The following ADGRL2 variants were observed in gnomAD, a reference collection of about 807,000 sequenced individuals.
ADGRL2 encodes calcium-independent alpha-latrotoxin receptor 2.
Under a neutral mutation model 157.4 loss-of-function variants are expected in ADGRL2, and 44 were observed. The ratio of observed to expected loss-of-function variants is 0.28; its 90% CI spans 0.22 to 0.36. The LOEUF is 0.36. ADGRL2 is among the 10% of genes least tolerant of loss of function. ADGRL2 has a pLI of 1.00. For missense variants in ADGRL2, 1,510 were observed against 1,768.9 expected (o/e 0.85, Z 2.63); for synonymous variants, 585 against 624.7 (o/e 0.94, Z 0.95).
intron 2 of ADGRL2, among the ~76,000 whole-genome samples, chr1:81,889,057 C>G (rs1007027931): frequency 5.3e-5 from 8 of 152,152 alleles, no homozygotes; most frequent in African/African-American, 9.7e-5. Flanking sequence ...CCCTGTCTCT[C>G]CCCCTCTCAT....
intron 2 of ADGRL2, among the ~76,000 whole-genome samples, chr1:81,904,304 A>G (rs1278534021): frequency 1.3e-5 from 2 of 152,222 alleles, no homozygotes; most frequent in African/African-American, 4.8e-5. Flanking sequence ...GTTTAATCAA[A>G]ACAGGTAAGA....
chr1:81,917,058 C>T (rs531492694), intron 3 of ADGRL2, among the ~76,000 whole-genome samples: 1 of 151,906 alleles, frequency 6.6e-6, no homozygotes, highest in Admixed American at 6.6e-5. Context: ...ATCTTGAACT[C>T]CTGAGCTCAA....
intron 1 of ADGRL2, among the ~76,000 whole-genome samples, chr1:81,354,144 T>C (rs753207629): frequency 5.3e-5 from 8 of 152,222 alleles, no homozygotes; most frequent in Non-Finnish European, 1.0e-4. Flanking sequence ...GTAGTTCCTA[T>C]AAGCCAGGCA....
intron 2 of ADGRL2, among the ~76,000 whole-genome samples, chr1:81,877,959 AT>A (rs1484178092): frequency 2.0e-5 from 3 of 152,258 alleles, no homozygotes; most frequent in South Asian, 2.1e-4. Flanking sequence ...ATGTTTACAG[AT>A]TTTTTAAAAA....
At chr1:81,553,837 C>T (rs964382793) in intron 2 of ADGRL2, among the ~76,000 whole-genome samples, 1 of 152,148 alleles carries the variant, frequency 6.6e-6, no homozygotes, top group Admixed American at 6.5e-5. Context: ...GCCAGGAAAG[C>T]CAGAGAGAGG....
chr1:81,836,692 T>C (rs76193469), intron 1 of ADGRL2, among the ~76,000 whole-genome samples, 193 bp from the exon 2 acceptor site: 7,223 of 152,156 alleles, frequency 0.047, 508 homozygotes, highest in African/African-American at 0.15. Flanking sequence ...AAAAAGGCAG[T>C]CAACCTTTTT....
intron 2 of ADGRL2, among the ~76,000 whole-genome samples, chr1:81,528,160 C>T (rs2079510496): frequency 6.6e-6 from 1 of 152,218 alleles, no homozygotes. Context: ...TGATCTTCAA[C>T]CTCCCGACCT....
chr1:81,430,939 C>T (rs1473390756), intron 1 of ADGRL2, among the ~76,000 whole-genome samples: 2 of 152,188 alleles, frequency 1.3e-5, no homozygotes, highest in African/African-American at 2.4e-5. Context: ...AAAAGAAGCA[C>T]TGTGCTCCCC....
At chr1:81,492,022 C>T (rs1159007055) in intron 2 of ADGRL2, among the ~76,000 whole-genome samples, 2 of 152,114 alleles carry the variant, frequency 1.3e-5, no homozygotes, top group African/African-American at 2.4e-5. Flanking sequence ...CTCATCTTCA[C>T]CCTGGACTGC....
chr1:81,957,912 T>C (rs1654092352), intron 11 of ADGRL2, among the ~76,000 whole-genome samples: 1 of 152,040 alleles, frequency 6.6e-6, no homozygotes, highest in Non-Finnish European at 1.5e-5. Context: ...ATGCCTGCAA[T>C]CACAGCACTT....
intron 3 of ADGRL2, among the ~76,000 whole-genome samples, chr1:81,629,421 T>A (rs564437067): frequency 2.8e-4 from 42 of 152,188 alleles, no homozygotes; most frequent in African/African-American, 8.9e-4. Flanking sequence ...CTGAAGCACA[T>A]TGTTAAATCT....
chr1:81,846,022 T>G, intron 2 of ADGRL2, among the ~76,000 whole-genome samples: 1 of 152,056 alleles, frequency 6.6e-6, no homozygotes, highest in East Asian at 1.9e-4. Flanking sequence ...TTTATTTAAA[T>G]TTTGAATCCG....
chr1:81,615,387 C>G (rs1400631091), intron 3 of ADGRL2, among the ~76,000 whole-genome samples: 1 of 152,220 alleles, frequency 6.6e-6, no homozygotes, highest in African/African-American at 2.4e-5. Context: ...TTCTTTCGCT[C>G]TTCGCAATAA....
At chr1:81,720,754 A>G (rs887981685) in intron 1 of ADGRL2, among the ~76,000 whole-genome samples, 4 of 151,974 alleles carry the variant, frequency 2.6e-5, no homozygotes, top group African/African-American at 9.7e-5. Context: ...ACCAAAATCA[A>G]CCACAAGTCA....
At chr1:81,762,017 A>G (rs1024392897) in intron 2 of ADGRL2, among the ~76,000 whole-genome samples, 1 of 152,118 alleles carries the variant, frequency 6.6e-6, no homozygotes, top group African/African-American at 2.4e-5. Flanking sequence ...TTCAAATTCT[A>G]TAATTATTCC....
intron 2 of ADGRL2, among the ~76,000 whole-genome samples, chr1:81,533,999 A>G (rs1201685020): frequency 6.6e-6 from 1 of 152,202 alleles, no homozygotes; most frequent in East Asian, 1.9e-4. Context: ...CTATGAACAT[A>G]TGAGGACAAT....
chr1:81,635,635 T>A (rs2082100451), intron 3 of ADGRL2, among the ~76,000 whole-genome samples: 1 of 152,148 alleles, frequency 6.6e-6, no homozygotes, highest in Non-Finnish European at 1.5e-5. Context: ...GGGTAAGAGC[T>A]CTCTCTTGAG....
intron 2 of ADGRL2, among the ~76,000 whole-genome samples, chr1:81,538,788 T>G (rs1014505785): frequency 2.0e-5 from 3 of 152,094 alleles, no homozygotes; most frequent in Admixed American, 6.5e-5. Flanking sequence ...GCAGATTGCT[T>G]GAGCTCAGGA....
chr1:81,857,680 T>C (rs1229010489), intron 2 of ADGRL2, among the ~76,000 whole-genome samples: 1 of 152,192 alleles, frequency 6.6e-6, no homozygotes, highest in African/African-American at 2.4e-5. Flanking sequence ...TCTTGATCTA[T>C]AGAGATGCAA....
Sources: allele counts gnomAD v4.1 joint callset (sites outside exome capture counted in the v4.1 genomes callset), GRCh38; gene constraint gnomAD v4.1.1; transcripts MANE v1.5; gene names NCBI Gene and HGNC (gene_info 2026-07-23, HGNC 2026-07-21).